The following VWC2 variants were observed in gnomAD, a reference collection of about 807,000 sequenced individuals.
VWC2 encodes the protein brorin.
Under a neutral mutation model 29.8 loss-of-function variants are expected in VWC2, and 14 were observed. That is an observed-to-expected ratio of 0.47 (90% CI 0.31 to 0.74). The LOEUF (loss-of-function observed/expected upper bound fraction) is 0.74, where lower values mean the gene tolerates loss of function less well. Among genes scored for constraint, VWC2 ranks in the 30% least tolerant of loss-of-function variants. VWC2 has a pLI of 0.05. For missense variants in VWC2, 457 were observed against 459.8 expected, an observed-to-expected ratio of 0.99 and a Z score of 0.05; for synonymous variants, 213 against 199.0, an observed-to-expected ratio of 1.07 and a Z score of -0.59.
intron 2 of VWC2, among the ~76,000 whole-genome samples, chr7:49,784,396 G>A (rs1445010477): frequency 6.6e-6 from 1 of 152,384 alleles, no homozygotes; most frequent in East Asian, 1.9e-4. Context: ...TAGAGGTGGA[G>A]TTGGAATCCA....
At position 49,920,327 on chromosome 7, in the gene VWC2, A is replaced by C. The variant is rs1793963351; in HGVS notation, c.*8142A>C. On this transcript the variant is annotated 3_prime_UTR_variant, in exon 4 of 4. Transcript: ENST00000340652. Reference sequence around the variant, plus strand: ...TTTTCCTTTAAATTTATTCCTCAGAATGATGTAAATTTTCCAGCTGGAAGG... The same window carrying C: ...TTTTCCTTTAAATTTATTCCTCAGACTGATGTAAATTTTCCAGCTGGAAGG... 1 of 152,208 alleles carries C rather than the reference A, an allele frequency of 6.6e-6. No individual in the cohort carries two copies. Among genetic ancestry groups the C allele is most frequent in the Non-Finnish European group, 1.5e-5 (1 of 68,036 alleles). 9.4% of individuals were successfully genotyped at this position (152,208 alleles called of 1,614,324 possible).
intron 3 of VWC2, among the ~76,000 whole-genome samples, chr7:49,829,206 A>G (rs1173065426): frequency 2.0e-5 from 3 of 152,244 alleles, no homozygotes; most frequent in Non-Finnish European, 4.4e-5. Context: ...TCACTGGCTT[A>G]AAATGTTGCA....
At chr7:49,825,971 A>C (rs557127633) in intron 3 of VWC2, among the ~76,000 whole-genome samples, 10 of 152,164 alleles carry the variant, frequency 6.6e-5, no homozygotes, top group Admixed American at 6.5e-4. Flanking sequence ...CCATATTTGC[A>C]ACTGTTCTGC....
rs1455168175 is a variant in VWC2, at chr7:49,917,190, G to A, written c.*5005G>A. 1 of 152,116 alleles carries A rather than the reference G, an allele frequency of 6.6e-6. No homozygotes were observed. The highest frequency in any genetic ancestry group is 1.5e-5 in the Non-Finnish European group (1 of 68,024). 9.4% of individuals were successfully genotyped at this position (152,116 alleles called of 1,614,324 possible). A position where few individuals can be genotyped will look rare whatever the true frequency, so the allele number is the denominator to read the frequency against. On this transcript the variant is annotated 3_prime_UTR_variant, in exon 4 of 4. Coordinates refer to ENST00000340652, the MANE Select transcript of VWC2 (RefSeq NM_198570.5). The stretch of plus-strand genomic sequence containing the variant: ...GCTGAGTCATTTGTACAGAAATATA[G>A]TAGCTTCCATAATCTGAATGATAAC...
At chr7:49,779,040 A>G (rs944889961) in intron 2 of VWC2, among the ~76,000 whole-genome samples, 5 of 130,200 alleles carry the variant, frequency 3.8e-5, no homozygotes, top group Non-Finnish European at 8.3e-5. Context: ...CCAGAGAGGG[A>G]GAGAGAGAGA....
At chr7:49,817,183 T>C (rs1789167095) in intron 3 of VWC2, among the ~76,000 whole-genome samples, 1 of 152,244 alleles carries the variant, frequency 6.6e-6, no homozygotes, top group South Asian at 2.1e-4. Context: ...TATCCATTCA[T>C]ACTCTTTCAC....
At chr7:49,878,694 G>T (rs1265201749) in intron 3 of VWC2, among the ~76,000 whole-genome samples, 1 of 151,948 alleles carries the variant, frequency 6.6e-6, no homozygotes, top group African/African-American at 2.4e-5. Flanking sequence ...TCTTTGATAA[G>T]TTCTCTGCCA....
chr7:49,898,168 ATG>A (rs955216494), intron 3 of VWC2, among the ~76,000 whole-genome samples: 9 of 151,858 alleles, frequency 5.9e-5, no homozygotes, highest in African/African-American at 1.2e-4. Flanking sequence ...TATGCTTTAT[ATG>A]TGTGTGTGTA....
rs556546642 is a variant in VWC2, at chr7:49,888,263, C to T, written c.827-23771C>T. Reference sequence around the variant, plus strand: ...CCTTATCTTCTTAGGTTTAATCCTGCTCCTAATTCTACTTTTCCTTATTTG... The same window carrying T: ...CCTTATCTTCTTAGGTTTAATCCTGTTCCTAATTCTACTTTTCCTTATTTG... On this transcript the variant is annotated intron_variant, in intron 3 of 3. Transcript: ENST00000340652. 8.5e-5 allele frequency among the ~76,000 whole-genome samples: 13 copies of T among 152,292 alleles called. No homozygotes were observed. In the East Asian group the frequency reaches 2.5e-3, roughly 29 times the overall value.
At chr7:49,834,213 G>T (rs1789603999) in intron 3 of VWC2, among the ~76,000 whole-genome samples, 2 of 152,124 alleles carry the variant, frequency 1.3e-5, no homozygotes, top group Non-Finnish European at 2.9e-5. Context: ...TCACCGTGTG[G>T]GTTATGTGGG....
intron 2 of VWC2, among the ~76,000 whole-genome samples, chr7:49,784,785 G>T (rs1315625939): frequency 1.3e-5 from 2 of 152,140 alleles, no homozygotes; most frequent in Non-Finnish European, 2.9e-5. Context: ...GGATCAACAG[G>T]TATCTGATCT....
intron 3 of VWC2, among the ~76,000 whole-genome samples, chr7:49,843,793 T>C (rs1789854178): frequency 6.6e-6 from 1 of 152,208 alleles, no homozygotes; most frequent in African/African-American, 2.4e-5. Flanking sequence ...GTGCAAGGAC[T>C]TAACCTGGGC....
At chr7:49,909,684 C>T (rs1038582978) in intron 3 of VWC2, among the ~76,000 whole-genome samples, 6 of 152,038 alleles carry the variant, frequency 3.9e-5, no homozygotes, top group African/African-American at 1.2e-4. Flanking sequence ...GGAGCTCAAG[C>T]GAGAAAGTAC....
chr7:49,817,561 C>G (rs1226209393), intron 3 of VWC2, among the ~76,000 whole-genome samples: 1 of 152,200 alleles, frequency 6.6e-6, no homozygotes, highest in Admixed American at 6.5e-5. Flanking sequence ...AAAATACCCT[C>G]TTTGTTGATC....
chr7:49,833,087 G>A (rs1789573854), intron 3 of VWC2, among the ~76,000 whole-genome samples: 1 of 152,200 alleles, frequency 6.6e-6, no homozygotes, highest in Admixed American at 6.5e-5. Flanking sequence ...CTAATAAGAC[G>A]TGCTGATGCA....
intron 3 of VWC2, among the ~76,000 whole-genome samples, chr7:49,817,928 T>G (rs1789183584): frequency 6.6e-6 from 1 of 152,258 alleles, no homozygotes; most frequent in Non-Finnish European, 1.5e-5. Context: ...TAAATGCCTC[T>G]GAAGAGTGTC....
intron 3 of VWC2, among the ~76,000 whole-genome samples, chr7:49,851,558 GAAATAAAAAGT>G (rs973017842): frequency 1.3e-5 from 2 of 152,294 alleles, no homozygotes; most frequent in African/African-American, 4.8e-5. Context: ...GACCAACTCT[GAAATAAAAAGT>G]CTGCTACAGG....
chr7:49,780,372 C>T (rs1167091058), intron 2 of VWC2, among the ~76,000 whole-genome samples: 1 of 152,120 alleles, frequency 6.6e-6, no homozygotes, highest in African/African-American at 2.4e-5. Flanking sequence ...AATTTTGCCT[C>T]AGTGGCCACA....
chr7:49,890,894 T>G (rs1327600459), intron 3 of VWC2, among the ~76,000 whole-genome samples: 2 of 151,266 alleles, frequency 1.3e-5, no homozygotes, highest in Non-Finnish European at 2.9e-5. Flanking sequence ...AATAGGAAAC[T>G]CACAAGCCAG....
Sources: gnomAD v4.1 joint callset for allele counts (sites outside exome capture counted in the v4.1 genomes callset) on GRCh38, gnomAD v4.1.1 for gene constraint, MANE v1.5 for transcripts, NCBI Gene and HGNC (gene_info 2026-07-23, HGNC 2026-07-21) for gene names.